The following KCTD10 variants were observed in gnomAD, a reference collection of about 807,000 sequenced individuals.
KCTD10 encodes BTB/POZ domain-containing adapter for CUL3-mediated RhoA degradation protein 3.
In KCTD10, 13 loss-of-function variants were observed where a neutral mutation model predicts 34.6. The observed-to-expected ratio is 0.38, with a 90% CI of 0.24 to 0.60. KCTD10 has a LOEUF of 0.60. KCTD10 is among the 20% of genes least tolerant of loss of function. KCTD10 has a pLI of 0.66. For missense variants in KCTD10, 256 were observed against 420.3 expected, an observed-to-expected ratio of 0.61 and a Z score of 3.42; for synonymous variants, 156 against 168.8, an observed-to-expected ratio of 0.92 and a Z score of 0.59.
chr12:109,471,707 A>AG (rs1029673857), intron 1 of KCTD10, among the ~76,000 whole-genome samples: 1 of 152,084 alleles, frequency 6.6e-6, no homozygotes, highest in East Asian at 1.9e-4. Flanking sequence ...AAGACCTCGA[A>AG]GGGGGGGAGA....
intron 1 of KCTD10, chr12:109,471,002 C>A (rs988039551): frequency 2.0e-6 from 1 of 491,226 alleles, no homozygotes; most frequent in South Asian, 8.7e-5. Flanking sequence ...CTGAGATGTC[C>A]CACAGTTCTT....
In KCTD10 at chr12:109,458,371, C is replaced by T. The variant is rs753554950; in HGVS notation, c.388-293G>A. On this transcript the variant is annotated intron_variant, in intron 3 of 6. Transcript: ENST00000228495. ...CAAAAATAAACCCTTGACGTGGCAG[C>T]AGAAACGTGTTTTAATCAAAAGCTC... The T allele has an allele frequency of 2.4e-4, 68 of 287,036 alleles. No homozygotes were observed. In the Middle Eastern group the frequency reaches 3.2e-3, roughly 13 times the overall value. 17.8% of individuals were successfully genotyped at this position (287,036 alleles called of 1,614,324 possible). A position where few individuals can be genotyped will look rare whatever the true frequency, so the allele number is the denominator to read the frequency against.
chr12:109,459,295 G>A (rs1873190890), intron 3 of KCTD10: 1 of 152,192 alleles, frequency 6.6e-6, no homozygotes, highest in Non-Finnish European at 1.5e-5. Flanking sequence ...ACACTAAGAG[G>A]AAAGAATTAG....
At position 109,451,648 on chromosome 12, in the gene KCTD10, C is replaced by G. The variant is rs369957720; in HGVS notation, c.889G>C (p.Val297Leu). 1 of 1,612,596 alleles carries G rather than the reference C, an allele frequency of 6.2e-7. No individual in the cohort carries two copies. The highest frequency in any genetic ancestry group is 1.3e-5 in the African/African-American group (1 of 74,894). The change falls in exon 7 of 7, where the codon GTG becomes CTG. Residue 297 changes from valine (V) to leucine (L), a missense_variant. Coordinates refer to ENST00000228495, the MANE Select transcript of KCTD10 (RefSeq NM_031954.5). This position sits in a 1 kb window ranked among gnomAD's most constrained non-coding sequence, Gnocchi z 5.0. ...GGGCGCTTGATGTGGATCCTCCGCA[C>G]GCGCTCGATCCGCTCCCGCTCCTCG... ...EDEERERIERVRRIHIKRPDD... is the reference protein window; with the variant it reads ...EDEERERIERLRRIHIKRPDD...
At chr12:109,463,742 A>G (rs142982453) in intron 2 of KCTD10, among the ~76,000 whole-genome samples, 37 of 152,316 alleles carry the variant, frequency 2.4e-4, no homozygotes, top group African/African-American at 8.9e-4. Flanking sequence ...TTGGTGCTTC[A>G]ATTAACCTCT....
chr12:109,457,131 G>A (rs1873060478), intron 5 of KCTD10: 1 of 155,980 alleles, frequency 6.4e-6, no homozygotes, highest in Non-Finnish European at 1.4e-5. Context: ...AAACCTCTTA[G>A]GTAATCTCAT....
intron 5 of KCTD10, chr12:109,457,109 G>A (rs755875489): frequency 6.4e-6 from 1 of 155,590 alleles, no homozygotes; most frequent in Non-Finnish European, 1.4e-5. Flanking sequence ...CTACAACATG[G>A]ATAAACCTTG....
intron 2 of KCTD10, among the ~76,000 whole-genome samples, chr12:109,462,772 T>C (rs1873402198): frequency 6.6e-6 from 1 of 152,160 alleles, no homozygotes; most frequent in Non-Finnish European, 1.5e-5. Context: ...TTTCTGTGAA[T>C]TCCCTGATTT....
At chr12:109,469,472 CAT>C in intron 2 of KCTD10, 41 bp downstream of exon 2, 1 of 1,602,816 alleles carries the variant, frequency 6.2e-7, no homozygotes, top group South Asian at 1.1e-5. Context: ...TCCTTGACCA[CAT>C]AACGCATGGC....
In KCTD10 at chr12:109,451,963, A is replaced by G; in HGVS notation, c.724-150T>C. 1.6e-6 allele frequency: 1 copy of G among 614,688 alleles called. No homozygotes were observed. Among genetic ancestry groups the G allele is most frequent in the East Asian group, 3.1e-5 (1 of 32,274 alleles). The allele number at this position is 614,688 out of a possible 1,614,324, so 38.1% of individuals were successfully genotyped here. A position where few individuals can be genotyped will look rare whatever the true frequency, so the allele number is the denominator to read the frequency against. On this transcript the variant is annotated intron_variant, in intron 6 of 6. Transcript: ENST00000228495. This position sits in a 1 kb window ranked among gnomAD's most constrained non-coding sequence, Gnocchi z 5.0. Reference sequence around the variant, plus strand: ...ATTTTTAAATAAACTGATATTTTCAATGGCAACACTTACATGTGGTGCTAA... The same window carrying G: ...ATTTTTAAATAAACTGATATTTTCAGTGGCAACACTTACATGTGGTGCTAA...
In KCTD10 at chr12:109,463,172, G is replaced by A. The variant is rs10160889; in HGVS notation, c.218-2367C>T. On this transcript the variant is annotated intron_variant, in intron 2 of 6. Coordinates refer to ENST00000228495, the MANE Select transcript of KCTD10 (RefSeq NM_031954.5). ...GCTGCGCAGGGAAGGAACCTTCCAC[G>A]TTCTGCCTTTGATGTCTGCAGAACT... Among the ~76,000 whole-genome samples, 1,382 of 152,254 alleles carry A rather than the reference G, an allele frequency of 9.1e-3. 23 individuals carry two copies. The highest frequency in any genetic ancestry group is 0.031 in the African/African-American group (1,286 of 41,524).
At chr12:109,474,473 G>A (rs1874050310) in intron 1 of KCTD10, among the ~76,000 whole-genome samples, 1 of 152,052 alleles carries the variant, frequency 6.6e-6, no homozygotes, top group South Asian at 2.1e-4. Context: ...TCAGCTGGGA[G>A]CTCAAAACTC....
chr12:109,470,013 C>T (rs1873808922), intron 1 of KCTD10: 2 of 1,232,556 alleles, frequency 1.6e-6, no homozygotes, highest in Admixed American at 3.7e-5. Context: ...TGTCCCAAAA[C>T]CCACCCAAAA....
chr12:109,477,154 C>G, intron 1 of KCTD10, 106 bp downstream of exon 1: 1 of 1,361,244 alleles, frequency 7.3e-7, no homozygotes, highest in Non-Finnish European at 1.0e-6. Context: ...ACTATCGTGA[C>G]TGCCCCTCAT....
Position 109,450,554 on chromosome 12 carries a change from C to T in KCTD10, c.*1041G>A. On this transcript the variant is annotated 3_prime_UTR_variant, in exon 7 of 7. Transcript: ENST00000228495. ...GTCTGTGTTTATAGCAGGGAAGCTC[C>T]CTGGGGCTGGTGGTGTGAGGGTGTC... 2.5e-6 allele frequency: 1 copy of T among 395,350 alleles called. No homozygotes were observed. 24.5% of individuals were successfully genotyped at this position (395,350 alleles called of 1,614,324 possible). A position where few individuals can be genotyped will look rare whatever the true frequency, so the allele number is the denominator to read the frequency against.
rs1448672983 is a variant in KCTD10 at position 109,451,364 on chromosome 12, T to A, written c.*231A>T. On this transcript the variant is annotated 3_prime_UTR_variant, in exon 7 of 7. Transcript: ENST00000228495. The surrounding 1 kb of genome is among the most constrained non-coding windows in gnomAD (Gnocchi z 5.0). ...GGCTCCAAAGAGTCTCAGATTCTCA[T>A]GAAAAGTAGAGATCTTAGACACAGC... 2 of 482,266 alleles carry A rather than the reference T, an allele frequency of 4.1e-6. No individual in the cohort carries two copies. Among genetic ancestry groups the A allele is most frequent in the East Asian group, 3.4e-5 (1 of 29,676 alleles). The allele number at this position is 482,266 out of a possible 1,614,324, so 29.9% of individuals were successfully genotyped here.
intron 3 of KCTD10, chr12:109,459,178 G>T (rs1434216315): frequency 1.0e-5 from 1 of 99,170 alleles, no homozygotes; most frequent in East Asian, 2.2e-4. Context: ...GCAAGAAAAG[G>T]CTCCTGAAGT....
chr12:109,468,385 A>G (rs1321032360), intron 2 of KCTD10, among the ~76,000 whole-genome samples: 2 of 152,076 alleles, frequency 1.3e-5, no homozygotes, highest in Non-Finnish European at 2.9e-5. Flanking sequence ...CACCCTCCCA[A>G]GTCAATGTCC....
chr12:109,459,423 T>G (rs1406462822), intron 3 of KCTD10: 1 of 152,162 alleles, frequency 6.6e-6, no homozygotes, highest in African/African-American at 2.4e-5. Context: ...ATGAGACCGC[T>G]GAGAACGTGG....
Sources: allele counts gnomAD v4.1 joint callset (sites outside exome capture counted in the v4.1 genomes callset), GRCh38; gene constraint gnomAD v4.1.1; non-coding constraint Gnocchi (gnomAD v3.1); transcripts MANE v1.5; gene names NCBI Gene and HGNC (gene_info 2026-07-23, HGNC 2026-07-21).